The following TMEM116 variants were observed in gnomAD, a reference collection of about 807,000 sequenced individuals.
TMEM116 encodes the protein transmembrane protein 116.
TMEM116 carries 38 observed loss-of-function variants against 44.3 expected under a neutral mutation model. That is an observed-to-expected ratio of 0.86 (90% CI 0.66 to 1.12). The LOEUF is 1.12. Ranked by LOEUF, TMEM116 falls within the 50% of genes most tolerant of loss-of-function variation. The probability of loss-of-function intolerance (pLI) is 0.00; values close to 1 mark genes in which losing one functional copy is unlikely to be tolerated. For missense variants in TMEM116, 354 were observed against 401.7 expected (o/e 0.88, Z 1.01); for synonymous variants, 132 against 144.8 (o/e 0.91, Z 0.64).
chr12:112,003,921 T>C lies in TMEM116; in HGVS notation c.15-58A>G. 2.8e-6 allele frequency: 4 copies of C among 1,425,810 alleles called. No homozygotes were observed. The South Asian group carries it at 6.0e-5, about 21-fold the overall frequency. 88.3% of individuals were successfully genotyped at this position (1,425,810 alleles called of 1,614,324 possible). The stretch of plus-strand genomic sequence containing the variant: ...GCAGGACAATGGAGTGCCATCGTTT[T>C]TGTTATTAATTTTGGGTTTTTTTTA... On this transcript the variant is annotated intron_variant, in intron 2 of 10. Coordinates refer to ENST00000552374, the MANE Select transcript of TMEM116 (RefSeq NM_001193531.2).
At chr12:111,943,201 G>T in intron 5 of TMEM116, 64 bp downstream of exon 5, 1 of 1,302,300 alleles carries the variant, frequency 7.7e-7, no homozygotes, top group Non-Finnish European at 1.1e-6. Context: ...TGGGATTACA[G>T]GTAGGAGTCA....
chr12:111,958,398 A>C (rs900228548), intron 4 of TMEM116, among the ~76,000 whole-genome samples: 1 of 152,060 alleles, frequency 6.6e-6, no homozygotes, highest in Non-Finnish European at 1.5e-5. Context: ...AGAAACCAGC[A>C]CAAAAAGGCT....
rs201721660 is a variant in TMEM116, at chr12:111,940,544, TACACACACAC to T, written c.316-2344_316-2335del. ...ATGTGTATATATATATATATATATA[TACACACACAC>T]ATATATATGTGTGTATATATATATA... On this transcript the variant is annotated intron_variant, in intron 5 of 10. Transcript: ENST00000552374. Among the ~76,000 whole-genome samples the T allele has an allele frequency of 1.4e-3, 117 of 84,456 alleles. 2 individuals carry two copies. Among genetic ancestry groups the T allele is most frequent in the African/African-American group, 8.1e-3 (97 of 11,936 alleles). 55.4% of individuals were successfully genotyped at this position (84,456 alleles called of 152,430 possible). A position where few individuals can be genotyped will look rare whatever the true frequency, so the allele number is the denominator to read the frequency against.
At chr12:111,958,242 TCTCCGAGAAACACCCA>T (rs1396987937) in intron 4 of TMEM116, among the ~76,000 whole-genome samples, 2 of 101,958 alleles carry the variant, frequency 2.0e-5, no homozygotes, top group South Asian at 3.9e-4. Flanking sequence ...CAAATCCCCC[TCTCCGAGAAACACCCA>T]CGAATGATCA....
In TMEM116 at chr12:112,010,576, G is replaced by A. The variant is rs1453132050; in HGVS notation, c.-34+2426C>T. The A allele has an allele frequency of 3.3e-5, 5 of 152,066 alleles. No homozygotes were observed. The East Asian group carries it at 7.7e-4, about 23-fold the overall frequency. 9.4% of individuals were successfully genotyped at this position (152,066 alleles called of 1,614,324 possible). On this transcript the variant is annotated intron_variant, in intron 1 of 10. Coordinates refer to ENST00000552374, the MANE Select transcript of TMEM116 (RefSeq NM_001193531.2). The stretch of plus-strand genomic sequence containing the variant: ...GGATGGCTCCTCTCTGCAACTGATC[G>A]TCCTAATGTCTGCAGCTCTCAGAAG...
rs562568379 is a variant in TMEM116, at chr12:111,969,664, G to A, written c.210+22094C>T. ...GCTATCTTGGCTCACTGCAAGCTCC[G>A]CCTCCCGGGTTCACGCCATTCTCCT... On this transcript the variant is annotated intron_variant, in intron 4 of 10. Transcript: ENST00000552374. 6.6e-5 allele frequency among the ~76,000 whole-genome samples: 10 copies of A among 152,148 alleles called. No homozygotes were observed. The South Asian group carries it at 1.0e-3, about 16-fold the overall frequency.
chr12:111,995,024 C>T (rs1276070545), intron 3 of TMEM116, among the ~76,000 whole-genome samples: 2 of 152,144 alleles, frequency 1.3e-5, no homozygotes, highest in African/African-American at 4.8e-5. Context: ...CCTGACTGCA[C>T]GTCCGTTTAT....
chr12:111,953,408 G>C (rs567502983), intron 4 of TMEM116, among the ~76,000 whole-genome samples: 1 of 152,306 alleles, frequency 6.6e-6, no homozygotes, highest in East Asian at 1.9e-4. Context: ...GATCAAAGGG[G>C]AGAAATGCGA....
chr12:111,953,725 C>T (rs2073899104), intron 4 of TMEM116, among the ~76,000 whole-genome samples: 1 of 152,096 alleles, frequency 6.6e-6, no homozygotes, highest in Non-Finnish European at 1.5e-5. Context: ...CCTTGTTTTC[C>T]TTTACCTCCC....
intron 4 of TMEM116, among the ~76,000 whole-genome samples, chr12:111,987,570 G>A (rs2076294867): frequency 6.7e-6 from 1 of 150,340 alleles, no homozygotes; most frequent in African/African-American, 2.4e-5. Context: ...ATATATAAAT[G>A]GCCAATAAGC....
chr12:112,011,865 A>G (rs1295191525), intron 1 of TMEM116: 2 of 152,120 alleles, frequency 1.3e-5, no homozygotes, highest in African/African-American at 4.8e-5. Context: ...CACATGGCTA[A>G]TTTTTCTACT....
chr12:112,011,407 T>C (rs757992010), intron 1 of TMEM116: 7 of 152,288 alleles, frequency 4.6e-5, no homozygotes, highest in Admixed American at 1.3e-4. Context: ...TTGTCCATGA[T>C]TGGATCCTGT....
At chr12:111,963,440 T>C (rs559484959) in intron 4 of TMEM116, among the ~76,000 whole-genome samples, 2 of 152,304 alleles carry the variant, frequency 1.3e-5, no homozygotes, top group African/African-American at 4.8e-5. Context: ...CCGTCAATGA[T>C]AGACTGGATA....
At chr12:111,948,550 C>G (rs1365273217) in intron 4 of TMEM116, among the ~76,000 whole-genome samples, 2 of 152,146 alleles carry the variant, frequency 1.3e-5, no homozygotes, top group South Asian at 2.1e-4. Flanking sequence ...TTCAGGCCAC[C>G]TGCATACCTA....
chr12:112,000,201 T>C (rs370721211), intron 3 of TMEM116, among the ~76,000 whole-genome samples: 8 of 152,214 alleles, frequency 5.3e-5, no homozygotes, highest in African/African-American at 1.4e-4. Flanking sequence ...GATGAAACAA[T>C]ATACAAACAA....
intron 4 of TMEM116, among the ~76,000 whole-genome samples, chr12:111,963,820 A>C (rs1003371456): frequency 2.4e-4 from 37 of 152,236 alleles, no homozygotes; most frequent in African/African-American, 8.7e-4. Flanking sequence ...TATTTTTTTT[A>C]AAAAAAGAAA....
chr12:111,978,630 G>A (rs1335330472), intron 4 of TMEM116: 3 of 247,092 alleles, frequency 1.2e-5, no homozygotes, highest in Admixed American at 9.7e-5. Flanking sequence ...TGAGATTAGT[G>A]CCCTTATAAA....
rs557514020 is a variant in TMEM116, at chr12:111,943,036, T to C, written c.315+229A>G. On this transcript the variant is annotated intron_variant, in intron 5 of 10. Transcript: ENST00000552374. ...ACAGTGGCTCAAGTGATCCTCCCAC[T>C]TCAGCCCCCGGAGTAGCTAGGACTC... Among the ~76,000 whole-genome samples the C allele has an allele frequency of 5.9e-5, 9 of 151,938 alleles. No homozygotes were observed. In the South Asian group the frequency reaches 6.2e-4, roughly 11 times the overall value.
At chr12:112,011,334 C>CACACAT (rs2077825561) in intron 1 of TMEM116, 1 of 152,268 alleles carries the variant, frequency 6.6e-6, no homozygotes, top group Non-Finnish European at 1.5e-5. Flanking sequence ...CAGACACATT[C>CACACAT]ACACATACAC....
Sources: allele counts gnomAD v4.1 joint callset (sites outside exome capture counted in the v4.1 genomes callset), GRCh38; gene constraint gnomAD v4.1.1; transcripts MANE v1.5; gene names NCBI Gene and HGNC (gene_info 2026-07-23, HGNC 2026-07-21).